Variants in OR4K13 observed in about 807,000 individuals in gnomAD.
OR4K13 encodes olfactory receptor 4K13.
For synonymous variants in OR4K13, 160 were observed against 134.8 expected (o/e 1.19, Z -1.30); for missense variants, 403 against 366.0 (o/e 1.10, Z -0.82).
Position 20,034,129 on chromosome 14 carries a change from G to C in OR4K13, c.630C>G (p.Cys210Trp), listed in dbSNP as rs1877498850. ...IADSGLLSLV[C>W]FLLLLVSYGV... Reference sequence around the variant, plus strand: ...CATAGGAGACAAGCAAGAGGAGGAAGCAGACCAGTGACAGGAGCCCACTGT... The same window carrying C: ...CATAGGAGACAAGCAAGAGGAGGAACCAGACCAGTGACAGGAGCCCACTGT... Residue 210 changes from cysteine (C) to tryptophan (W), a missense_variant, in exon 2 of 2, where the codon TGC (cysteine) becomes TGG (tryptophan). Transcript: ENST00000641904. The C allele has an allele frequency of 6.2e-7, 1 of 1,613,992 alleles. No homozygotes were observed. The highest frequency in any genetic ancestry group is 8.5e-7 in the Non-Finnish European group (1 of 1,180,026).
chr14:20,030,253 C>T lies in OR4K13; in HGVS notation c.*3591G>A, dbSNP rs192937214. ...CATTTGTCAACAATCCAGCCAATTA[C>T]CCTGAATTGTTCATTATACATTCTT... On this transcript the variant is annotated 3_prime_UTR_variant, in exon 2 of 2. Coordinates refer to ENST00000641904, the MANE Select transcript of OR4K13 (RefSeq NM_001004714.2). 50 of 152,074 alleles carry T rather than the reference C, an allele frequency of 3.3e-4. 1 individual carries two copies. The highest frequency in any genetic ancestry group is 1.2e-3 in the Admixed American group (19 of 15,282). The allele number at this position is 152,074 out of a possible 1,614,324, so 9.4% of individuals were successfully genotyped here.
rs562116163 is a variant in OR4K13, at chr14:20,034,372, G to A, written c.387C>T (p.Pro129=). 2 of 1,614,048 alleles carry A rather than the reference G, an allele frequency of 1.2e-6. No individual in the cohort carries two copies. Among genetic ancestry groups the A allele is most frequent in the African/African-American group, 2.7e-5 (2 of 74,994 alleles). Residue 129 remains proline (P), a synonymous_variant, in exon 2 of 2, where the codon CCC becomes CCT. Transcript: ENST00000641904. ...AIDRYVAICK[P]LHYMTIMSPR... ...GGCTCATGATGGTCATGTAATGGAGGGGTTTGCATATGGCAACATACCTGT... is the reference window on the plus strand; with the variant it reads ...GGCTCATGATGGTCATGTAATGGAGAGGTTTGCATATGGCAACATACCTGT...
rs150739750 is a variant in OR4K13 at position 20,030,879 on chromosome 14, G to C, written c.*2965C>G. On this transcript the variant is annotated 3_prime_UTR_variant, in exon 2 of 2. Transcript: ENST00000641904. ...CTACTAAAAATACAAAAATGAGCCA[G>C]GCGCAGTGGTGGGCGCCTGTAATCC... 11,082 of 152,230 alleles carry C rather than the reference G, an allele frequency of 0.073. 509 individuals are homozygous for C. Among genetic ancestry groups the C allele is most frequent in the Admixed American group, 0.12 (1,783 of 15,284 alleles). The allele number at this position is 152,230 out of a possible 1,614,324, so 9.4% of individuals were successfully genotyped here. A position where few individuals can be genotyped will look rare whatever the true frequency, so the allele number is the denominator to read the frequency against.
Position 20,033,784 on chromosome 14 carries a change from TG to T in OR4K13, c.*59del. 1 of 930,236 alleles carries T rather than the reference TG, an allele frequency of 1.1e-6. No homozygotes were observed. The highest frequency in any genetic ancestry group is 1.7e-5 in the South Asian group (1 of 57,182). 57.6% of individuals were successfully genotyped at this position (930,236 alleles called of 1,614,324 possible). A position where few individuals can be genotyped will look rare whatever the true frequency, so the allele number is the denominator to read the frequency against. ...ATACATTAAAAACGAGTTTCTTAAA[TG>T]TTCAAACAAACAAGAGAGTGTCTCT... On this transcript the variant is annotated 3_prime_UTR_variant, in exon 2 of 2. Coordinates refer to ENST00000641904, the MANE Select transcript of OR4K13 (RefSeq NM_001004714.2).
rs1487624597 is a variant in OR4K13 at position 20,031,113 on chromosome 14, T to A, written c.*2731A>T. 2 of 152,242 alleles carry A rather than the reference T, an allele frequency of 1.3e-5. No individual in the cohort carries two copies. Among genetic ancestry groups the A allele is most frequent in the Admixed American group, 1.3e-4 (2 of 15,282 alleles). 9.4% of individuals were successfully genotyped at this position (152,242 alleles called of 1,614,324 possible). A position where few individuals can be genotyped will look rare whatever the true frequency, so the allele number is the denominator to read the frequency against. ...TTTGAGGTGTTAACAAATTTGCCCA[T>A]GGAAAACAGGTGCTACCCCTTAACT... is the stretch of plus-strand genomic sequence containing the variant. On this transcript the variant is annotated 3_prime_UTR_variant, in exon 2 of 2. Coordinates refer to ENST00000641904, the MANE Select transcript of OR4K13 (RefSeq NM_001004714.2).
intron 1 of OR4K13, among the ~76,000 whole-genome samples, chr14:20,035,464 CAT>C (rs1344534057): frequency 2.0e-5 from 2 of 99,666 alleles, no homozygotes; most frequent in African/African-American, 7.1e-5. Flanking sequence ...ATATATTAAA[CAT>C]GTATATTACA....
intron 1 of OR4K13, among the ~76,000 whole-genome samples, chr14:20,035,461 A>ATATAT (rs61060045): frequency 0.83 from 122,588 of 148,494 alleles, 50,780 homozygotes; most frequent in Admixed American, 0.84. Flanking sequence ...TATATATATT[A>ATATAT]AACATGTATA....
At position 20,034,661 on chromosome 14, in the gene OR4K13, A is replaced by C. The variant is rs1281373770; in HGVS notation, c.98T>G (p.Val33Gly). ...LQILFFLGFS[V>G]VFVGIVLGNL... ...TCCTAACACAATCCCCACGAAGACC[A>C]CAGAGAATCCCAAGAAGAATAAAAT... Residue 33 changes from valine to glycine, a missense_variant, in exon 2 of 2, where the codon GTG becomes GGG. Transcript: ENST00000641904. 1 of 1,614,010 alleles carries C rather than the reference A, an allele frequency of 6.2e-7. No homozygotes were observed. The highest frequency in any genetic ancestry group is 1.1e-5 in the South Asian group (1 of 91,074).
rs376288189 is a variant in OR4K13 at position 20,034,029 on chromosome 14, T to C, written c.730A>G (p.Ile244Val). The change falls in exon 2 of 2, where the codon ATC becomes GTC. Residue 244 changes from isoleucine to valine, a missense_variant. Physicochemically the swap from Ile to Val is conservative, Grantham distance 29 (BLOSUM62 3). Coordinates refer to ENST00000641904, the MANE Select transcript of OR4K13 (RefSeq NM_001004714.2). ...SKAFSTLSAH[I>V]TVVTLFFAPC... ...GCAAAGAACAGAGTCACAACTGTGA[T>C]GTGAGCTGAGAGAGTGGAGAAAGCC... 6.8e-6 allele frequency: 11 copies of C among 1,614,008 alleles called. No homozygotes were observed. The Middle Eastern group carries it at 8.2e-4, about 121-fold the overall frequency.
At position 20,030,461 on chromosome 14, in the gene OR4K13, A is replaced by C. The variant is rs1377124446; in HGVS notation, c.*3383T>G. 2 of 152,218 alleles carry C rather than the reference A, an allele frequency of 1.3e-5. No individual in the cohort carries two copies. The highest frequency in any genetic ancestry group is 2.9e-5 in the Non-Finnish European group (2 of 68,038). The allele number at this position is 152,218 out of a possible 1,614,324, so 9.4% of individuals were successfully genotyped here. A position where few individuals can be genotyped will look rare whatever the true frequency, so the allele number is the denominator to read the frequency against. On this transcript the variant is annotated 3_prime_UTR_variant, in exon 2 of 2. Coordinates refer to ENST00000641904, the MANE Select transcript of OR4K13 (RefSeq NM_001004714.2). The stretch of plus-strand genomic sequence containing the variant: ...AAACTGTACTTGAAAAATGAAACAA[A>C]AAGCTTAATATTTGTACTATGAATT...
Position 20,031,625 on chromosome 14 carries a change from C to G in OR4K13, c.*2219G>C, listed in dbSNP as rs1877420121. On this transcript the variant is annotated 3_prime_UTR_variant, in exon 2 of 2. Coordinates refer to ENST00000641904, the MANE Select transcript of OR4K13 (RefSeq NM_001004714.2). Reference sequence around the variant, plus strand: ...ACAATTTGCTCAACAAATTGTCAGTCACATCAACCAATCAATAATAGCCTT... The same window carrying G: ...ACAATTTGCTCAACAAATTGTCAGTGACATCAACCAATCAATAATAGCCTT... 6.6e-6 allele frequency: 1 copy of G among 152,046 alleles called. No individual in the cohort carries two copies. The highest frequency in any genetic ancestry group is 2.1e-4 in the South Asian group (1 of 4,804). The allele number at this position is 152,046 out of a possible 1,614,324, so 9.4% of individuals were successfully genotyped here.
At chr14:20,035,769 T>A (rs1386456905) in intron 1 of OR4K13, 169 bp downstream of exon 1, 1 of 152,090 alleles carries the variant, frequency 6.6e-6, no homozygotes. Flanking sequence ...TAATCTAAAT[T>A]TATGACAAAA....
At chr14:20,035,092 G>A (rs576905450) in intron 1 of OR4K13, 111 bp from the exon 2 acceptor site, 85 of 207,598 alleles carry the variant, frequency 4.1e-4, no homozygotes, top group Non-Finnish European at 6.7e-4. Context: ...CTCACTGGGT[G>A]ACACAGGACA....
chr14:20,034,152 TGTCAGC>T lies in OR4K13; in HGVS notation c.601_606del (p.Ala201_Asp202del), dbSNP rs751152620. 11 of 1,614,106 alleles carry T rather than the reference TGTCAGC, an allele frequency of 6.8e-6. No individual in the cohort carries two copies. The South Asian group carries it at 1.2e-4, about 18-fold the overall frequency. On this transcript the variant is annotated inframe_deletion, in exon 2 of 2. Coordinates refer to ENST00000641904, the MANE Select transcript of OR4K13 (RefSeq NM_001004714.2). The stretch of plus-strand genomic sequence containing the variant: ...AAGCAGACCAGTGACAGGAGCCCAC[TGTCAGC>T]AATGACCAGGAGCTGTAGGATGTAG...
In OR4K13 at chr14:20,031,718, T is replaced by G. The variant is rs1214085050; in HGVS notation, c.*2126A>C. On this transcript the variant is annotated 3_prime_UTR_variant, in exon 2 of 2. Coordinates refer to ENST00000641904, the MANE Select transcript of OR4K13 (RefSeq NM_001004714.2). ...TCATAGTATGTGTTCAGAAAAGAGC[T>G]ATTTCTAGTTAGATATAATATAACC... 1 of 152,204 alleles carries G rather than the reference T, an allele frequency of 6.6e-6. No individual in the cohort carries two copies. The highest frequency in any genetic ancestry group is 6.5e-5 in the Admixed American group (1 of 15,280). 9.4% of individuals were successfully genotyped at this position (152,204 alleles called of 1,614,324 possible).
Position 20,034,582 on chromosome 14 carries a change from C to G in OR4K13, c.177G>C (p.Met59Ile). ...AGGAGAGGTTGCTAAGCAGAAAATA[C>G]ATTGGTGTGTGAAGGAGCGAATCAA... ...VTFDSLLHTP[M>I]YFLLSNLSCI... Residue 59 changes from methionine (M) to isoleucine (I), a missense_variant, in exon 2 of 2, where the codon ATG becomes ATC. Met to Ile is a conservative substitution (Grantham distance 10). Coordinates refer to ENST00000641904, the MANE Select transcript of OR4K13 (RefSeq NM_001004714.2). The G allele has an allele frequency of 4.3e-6, 7 of 1,613,926 alleles. No homozygotes were observed. Among genetic ancestry groups the G allele is most frequent in the Non-Finnish European group, 5.9e-6 (7 of 1,179,996 alleles).
chr14:20,033,589 A>C lies in OR4K13; in HGVS notation c.*255T>G, dbSNP rs1643510158. 1 of 292,828 alleles carries C rather than the reference A, an allele frequency of 3.4e-6. No homozygotes were observed. Among genetic ancestry groups the C allele is most frequent in the Non-Finnish European group, 6.4e-6 (1 of 155,344 alleles). 18.1% of individuals were successfully genotyped at this position (292,828 alleles called of 1,614,324 possible). A position where few individuals can be genotyped will look rare whatever the true frequency, so the allele number is the denominator to read the frequency against. ...CCAAACTGTAGATATTATGTGTTTG[A>C]CCATAAAAGATCACAAAAAGGTGTT... On this transcript the variant is annotated 3_prime_UTR_variant, in exon 2 of 2. Transcript: ENST00000641904.
At position 20,034,387 on chromosome 14, in the gene OR4K13, A is replaced by C; in HGVS notation, c.372T>G (p.Val124=). ...TGTAATGGAGGGGTTTGCATATGGCAACATACCTGTCTATTGCCATGGCTA... is the reference window on the plus strand; with the variant it reads ...TGTAATGGAGGGGTTTGCATATGGCCACATACCTGTCTATTGCCATGGCTA... ...LLVAMAIDRY[V]AICKPLHYMT... The change falls in exon 2 of 2, where the codon GTT becomes GTG. Residue 124 remains valine (V), a synonymous_variant. Coordinates refer to ENST00000641904, the MANE Select transcript of OR4K13 (RefSeq NM_001004714.2). The C allele has an allele frequency of 6.2e-7, 1 of 1,614,088 alleles. No homozygotes were observed. The highest frequency in any genetic ancestry group is 8.5e-7 in the Non-Finnish European group (1 of 1,180,014).
chr14:20,033,109 A>G lies in OR4K13; in HGVS notation c.*735T>C, dbSNP rs1284796677. The G allele has an allele frequency of 1.3e-5, 2 of 152,398 alleles. No individual in the cohort carries two copies. The highest frequency in any genetic ancestry group is 1.9e-4 in the East Asian group (1 of 5,190). 9.4% of individuals were successfully genotyped at this position (152,398 alleles called of 1,614,324 possible). ...ATCATGTAACAGTGCTGTTCGTGCC[A>G]TGGAACAACTGCCAATTTAGTTTGC... On this transcript the variant is annotated 3_prime_UTR_variant, in exon 2 of 2. Coordinates refer to ENST00000641904, the MANE Select transcript of OR4K13 (RefSeq NM_001004714.2).
Sources: allele counts gnomAD v4.1 joint callset (sites outside exome capture counted in the v4.1 genomes callset), GRCh38; gene constraint gnomAD v4.1.1; transcripts MANE v1.5; gene names NCBI Gene and HGNC (gene_info 2026-07-23, HGNC 2026-07-21).